TIPRL: variants seen among roughly 807,000 people sequenced by gnomAD.
TIPRL encodes TOR signaling pathway regulator, also known as TIP41-like protein.
Under a neutral mutation model 32.3 loss-of-function variants are expected in TIPRL, and 10 were observed. The observed-to-expected ratio is 0.31, with a 90% CI of 0.19 to 0.52. TIPRL has a LOEUF of 0.52. TIPRL is among the 20% of genes least tolerant of loss of function. The pLI, the probability that TIPRL is intolerant of heterozygous loss-of-function variation, is 0.96. For synonymous variants in TIPRL, 100 were observed against 114.0 expected (o/e 0.88, Z 0.78); for missense variants, 250 against 328.1 (o/e 0.76, Z 1.84).
intron 4 of TIPRL, chr1:168,192,159 C>A: frequency 2.1e-6 from 3 of 1,432,398 alleles, no homozygotes; most frequent in East Asian, 2.9e-5. Context: ...TAAAATGATC[C>A]ATGTGTTATG....
In TIPRL at chr1:168,184,767, T is replaced by C. The variant is rs372342009; in HGVS notation, c.285-12T>C. The C allele has an allele frequency of 6.6e-5, 104 of 1,564,258 alleles. No individual in the cohort carries two copies. The highest frequency in any genetic ancestry group is 1.8e-6 in the Non-Finnish European group (2 of 1,137,560). On this transcript the variant is annotated splice_polypyrimidine_tract_variant and intron_variant, in intron 2 of 6. Coordinates refer to ENST00000367833, the MANE Select transcript of TIPRL (RefSeq NM_152902.5). ...ATCACTGAATCTGATCCTTCTCATT[T>C]TGGTATTTGAGGACGGAGGGTGAAC...
At chr1:168,198,876 C>A (rs1283606925) in intron 5 of TIPRL, 43 bp from the exon 6 acceptor site, 5 of 1,523,032 alleles carry the variant, frequency 3.3e-6, no homozygotes, top group Middle Eastern at 1.7e-4. Context: ...TTTTGTAAAT[C>A]AGTATAATTA....
intron 3 of TIPRL, among the ~76,000 whole-genome samples, chr1:168,190,301 T>C (rs1366499039): frequency 1.3e-5 from 2 of 152,150 alleles, no homozygotes; most frequent in Non-Finnish European, 2.9e-5. Context: ...TAAGTGACCA[T>C]GGAAGAATTA....
At chr1:168,185,703 G>T (rs1408449289) in intron 3 of TIPRL, among the ~76,000 whole-genome samples, 1 of 150,700 alleles carries the variant, frequency 6.6e-6, no homozygotes, top group South Asian at 2.1e-4. Flanking sequence ...CCGGGAGGTG[G>T]AGGTTGCAGT....
chr1:168,191,700 G>C (rs563488916), intron 4 of TIPRL, among the ~76,000 whole-genome samples, 200 bp downstream of exon 4: 1 of 151,620 alleles, frequency 6.6e-6, no homozygotes, highest in Non-Finnish European at 1.5e-5. Context: ...GTGAAACCCC[G>C]TCTCTACTAA....
rs1558167363 is a variant in TIPRL at position 168,201,767 on chromosome 1, CATCGTGT to C, written c.*1722_*1728del. ...TTCATTAATTGGAGCTTCTGGGCAA[CATCGTGT>C]GTGTGTGTGTGTGTGTGTGTGTGTG... On this transcript the variant is annotated 3_prime_UTR_variant, in exon 7 of 7. Transcript: ENST00000367833. 3 of 122,124 alleles carry C rather than the reference CATCGTGT, an allele frequency of 2.5e-5. No individual in the cohort carries two copies. Among genetic ancestry groups the C allele is most frequent in the African/African-American group, 1.0e-4 (3 of 29,596 alleles). The allele number at this position is 122,124 out of a possible 1,614,324, so 7.6% of individuals were successfully genotyped here. A position where few individuals can be genotyped will look rare whatever the true frequency, so the allele number is the denominator to read the frequency against.
At chr1:168,183,309 C>T (rs1391295252) in intron 1 of TIPRL, among the ~76,000 whole-genome samples, 1 of 149,354 alleles carries the variant, frequency 6.7e-6, no homozygotes, top group Non-Finnish European at 1.5e-5. Context: ...TGGAATTATT[C>T]TTTAGTACAG....
intron 1 of TIPRL, among the ~76,000 whole-genome samples, chr1:168,182,680 C>T (rs1699982937): frequency 6.6e-6 from 1 of 152,122 alleles, no homozygotes. Context: ...ATTTAGAACA[C>T]TGAAGGACTG....
rs1465345966 is a variant in TIPRL, at chr1:168,200,193, G to A, written c.*147G>A. ...GGAAAAAAAAATAAAGATCGTTACAGGCAGGTTTCACTCAACTGCTGTTTG... is the reference window on the plus strand; with the variant it reads ...GGAAAAAAAAATAAAGATCGTTACAAGCAGGTTTCACTCAACTGCTGTTTG... On this transcript the variant is annotated 3_prime_UTR_variant, in exon 7 of 7. Transcript: ENST00000367833. 1.2e-6 allele frequency: 1 copy of A among 838,326 alleles called. No individual in the cohort carries two copies. Among genetic ancestry groups the A allele is most frequent in the Non-Finnish European group, 1.8e-6 (1 of 569,778 alleles). 51.9% of individuals were successfully genotyped at this position (838,326 alleles called of 1,614,324 possible). A position where few individuals can be genotyped will look rare whatever the true frequency, so the allele number is the denominator to read the frequency against.
intron 2 of TIPRL, 110 bp downstream of exon 2, chr1:168,184,191 G>A (rs1380938777): frequency 1.3e-5 from 13 of 1,001,118 alleles, no homozygotes; most frequent in Non-Finnish European, 1.8e-5. Context: ...TAGAATGAAG[G>A]GCTGGTATTA....
chr1:168,194,744 CAAAGGTAT>C (rs1440641676), intron 4 of TIPRL, among the ~76,000 whole-genome samples: 1 of 152,150 alleles, frequency 6.6e-6, no homozygotes, highest in Non-Finnish European at 1.5e-5. Flanking sequence ...TTTTCTCCAG[CAAAGGTAT>C]TAATACCTTC....
At chr1:168,187,073 T>C (rs1273932211) in intron 3 of TIPRL, among the ~76,000 whole-genome samples, 1 of 152,222 alleles carries the variant, frequency 6.6e-6, no homozygotes, top group Non-Finnish European at 1.5e-5. Context: ...TTTCTTGAGC[T>C]CTTGCTCTAT....
At chr1:168,191,858 C>CGA (rs1558164787) in intron 4 of TIPRL, among the ~76,000 whole-genome samples, 1 of 38,898 alleles carries the variant, frequency 2.6e-5, no homozygotes, top group Non-Finnish European at 5.6e-5. Flanking sequence ...GGCGACAGAG[C>CGA]AAAAAAAAAA....
rs182664707 is a variant in TIPRL, at chr1:168,185,558, G to C, written c.384+680G>C. Among the ~76,000 whole-genome samples the C allele has an allele frequency of 1.4e-3, 212 of 151,586 alleles. 1 individual carries two copies. Among genetic ancestry groups the C allele is most frequent in the Middle Eastern group, 3.4e-3 (1 of 292 alleles). ...GAGGCCGAGGCAGGCAGATCACGAG[G>C]TCAGGAGCTCGAGACTAGCCTGACC... On this transcript the variant is annotated intron_variant, in intron 3 of 6. Transcript: ENST00000367833.
At chr1:168,196,932 GTCC>G (rs1700165089) in intron 5 of TIPRL, among the ~76,000 whole-genome samples, 1 of 152,150 alleles carries the variant, frequency 6.6e-6, no homozygotes, top group Admixed American at 6.5e-5. Flanking sequence ...TAAGAAAACT[GTCC>G]TTTAACTCTT....
chr1:168,199,787 C>G, intron 6 of TIPRL, 116 bp from the exon 7 acceptor site: 1 of 937,466 alleles, frequency 1.1e-6, no homozygotes. Flanking sequence ...AGCACATATG[C>G]ATATATTGCA....
intron 4 of TIPRL, chr1:168,192,128 G>T: frequency 7.5e-7 from 1 of 1,335,912 alleles, no homozygotes. Flanking sequence ...ATCTGCAGAC[G>T]GCAAGGTGGA....
intron 6 of TIPRL, 69 bp downstream of exon 6, chr1:168,199,050 C>T (rs546883949): frequency 1.6e-6 from 2 of 1,238,862 alleles, no homozygotes; most frequent in African/African-American, 1.5e-5. Flanking sequence ...TAGCATATAC[C>T]CCTGACCCCA....
At chr1:168,188,832 T>A (rs1700059573) in intron 3 of TIPRL, among the ~76,000 whole-genome samples, 2 of 152,052 alleles carry the variant, frequency 1.3e-5, no homozygotes, top group Admixed American at 1.3e-4. Flanking sequence ...CACAAAAAAA[T>A]TAGCCAAGCG....
Sources: gnomAD v4.1 joint callset for allele counts (sites outside exome capture counted in the v4.1 genomes callset) on GRCh38, gnomAD v4.1.1 for gene constraint, MANE v1.5 for transcripts, NCBI Gene and HGNC (gene_info 2026-07-23, HGNC 2026-07-21) for gene names.